Variants in ASTN2 observed in about 807,000 individuals in gnomAD.
ASTN2 encodes astrotactin-2.
In ASTN2, 54 loss-of-function variants were observed where a neutral mutation model predicts 139.8. The observed-to-expected ratio is 0.39, with a 90% CI of 0.31 to 0.48. The LOEUF (loss-of-function observed/expected upper bound fraction) is 0.48. ASTN2 is among the 20% of genes least tolerant of loss of function. ASTN2 has a pLI of 0.95. For missense variants in ASTN2, 1,565 were observed against 1,725.1 expected, an observed-to-expected ratio of 0.91 and a Z score of 1.64; for synonymous variants, 756 against 719.5, an observed-to-expected ratio of 1.05 and a Z score of -0.81.
At chr9:117,310,193 T>G (rs188128108) in intron 1 of ASTN2, among the ~76,000 whole-genome samples, 37 of 152,214 alleles carry the variant, frequency 2.4e-4, no homozygotes, top group Non-Finnish European at 4.4e-4. Context: ...TTTTTCTCAG[T>G]CAAACACCTT....
At chr9:117,093,827 A>G (rs565393501) in intron 5 of ASTN2, among the ~76,000 whole-genome samples, 14 of 152,260 alleles carry the variant, frequency 9.2e-5, no homozygotes, top group African/African-American at 2.6e-4. Context: ...GTATTAAGAA[A>G]GCTCTCCCTG....
intron 4 of ASTN2, among the ~76,000 whole-genome samples, chr9:117,135,191 G>T (rs1196228862): frequency 6.6e-6 from 1 of 152,170 alleles, no homozygotes; most frequent in East Asian, 1.9e-4. Context: ...CAAGTCATCT[G>T]GGAATTTAAA....
At chr9:117,329,233 T>G (rs1435743938) in intron 1 of ASTN2, among the ~76,000 whole-genome samples, 1 of 151,142 alleles carries the variant, frequency 6.6e-6, no homozygotes, top group Non-Finnish European at 1.5e-5. Context: ...TTATAAGCAT[T>G]TGCTACCCTT....
chr9:117,239,218 C>A (rs945338437), intron 2 of ASTN2, among the ~76,000 whole-genome samples: 3 of 152,170 alleles, frequency 2.0e-5, no homozygotes, highest in Admixed American at 6.5e-5. Context: ...TGAGTCCCTG[C>A]AACAAATGTA....
At chr9:116,791,012 AAAG>A (rs1830533324) in intron 13 of ASTN2, among the ~76,000 whole-genome samples, 1 of 127,524 alleles carries the variant, frequency 7.8e-6, no homozygotes, top group African/African-American at 2.9e-5. Context: ...AGAAAGAAAG[AAAG>A]AAAGAAAGAA....
At chr9:117,139,317 G>A (rs1317804237) in intron 4 of ASTN2, among the ~76,000 whole-genome samples, 1 of 152,132 alleles carries the variant, frequency 6.6e-6, no homozygotes, top group Admixed American at 6.5e-5. Context: ...CTGATGTAGG[G>A]CTTGGCATCC....
chr9:117,227,755 T>C (rs1025086608), intron 2 of ASTN2, among the ~76,000 whole-genome samples: 19 of 152,196 alleles, frequency 1.2e-4, no homozygotes, highest in African/African-American at 4.3e-4. Flanking sequence ...TCTCTACTGT[T>C]GGACCAAAGA....
intron 3 of ASTN2, among the ~76,000 whole-genome samples, chr9:117,182,199 T>C (rs1270434296): frequency 6.7e-6 from 1 of 148,458 alleles, no homozygotes; most frequent in East Asian, 2.0e-4. Context: ...CATATTTATG[T>C]AGGGAGAGAA....
At chr9:116,522,639 A>C (rs1000206991) in intron 19 of ASTN2, among the ~76,000 whole-genome samples, 12 of 152,120 alleles carry the variant, frequency 7.9e-5, no homozygotes, top group African/African-American at 2.9e-4. Context: ...ATCAAATACC[A>C]CCTGTTTCCC....
intron 19 of ASTN2, among the ~76,000 whole-genome samples, chr9:116,531,265 T>G (rs1398334367): frequency 6.6e-6 from 1 of 152,204 alleles, no homozygotes; most frequent in African/African-American, 2.4e-5. Context: ...CGTATTTATG[T>G]CTTAAATGTA....
chr9:117,059,229 T>C (rs1233861062), intron 5 of ASTN2, among the ~76,000 whole-genome samples: 1 of 152,100 alleles, frequency 6.6e-6, no homozygotes, highest in Non-Finnish European at 1.5e-5. Context: ...AGGGAGAGGA[T>C]AGGTGGTGTC....
chr9:116,951,368 G>A (rs866626407), intron 10 of ASTN2, among the ~76,000 whole-genome samples: 1,139 of 43,266 alleles, frequency 0.026, 7 homozygotes, highest in African/African-American at 0.054. Flanking sequence ...AAAAAAAAAA[G>A]ATCTGTGGTT....
At chr9:117,189,504 C>G (rs1243462172) in intron 3 of ASTN2, among the ~76,000 whole-genome samples, 1 of 152,168 alleles carries the variant, frequency 6.6e-6, no homozygotes, top group Non-Finnish European at 1.5e-5. Context: ...CTCTCCCCTC[C>G]CTGGGTCTCT....
At chr9:116,563,511 C>T (rs1853031923) in intron 19 of ASTN2, among the ~76,000 whole-genome samples, 2 of 152,182 alleles carry the variant, frequency 1.3e-5, no homozygotes, top group Non-Finnish European at 2.9e-5. Context: ...ATCAGACGCG[C>T]TTCCATCTCA....
intron 19 of ASTN2, among the ~76,000 whole-genome samples, chr9:116,593,633 T>C (rs1442733283): frequency 6.6e-6 from 1 of 152,216 alleles, no homozygotes; most frequent in African/African-American, 2.4e-5. Flanking sequence ...TAATCACAAC[T>C]TAGCCCCATA....
intron 4 of ASTN2, among the ~76,000 whole-genome samples, chr9:117,123,410 G>A (rs1829608555): frequency 6.6e-6 from 1 of 152,054 alleles, no homozygotes; most frequent in Non-Finnish European, 1.5e-5. Flanking sequence ...CCATCTATTT[G>A]ACATTAGACA....
chr9:117,332,467 G>C (rs949505587), intron 1 of ASTN2, among the ~76,000 whole-genome samples: 1 of 152,172 alleles, frequency 6.6e-6, no homozygotes, highest in African/African-American at 2.4e-5. Context: ...TACTCAGGAG[G>C]CTGTGTGAGA....
intron 2 of ASTN2, among the ~76,000 whole-genome samples, chr9:117,289,008 C>T (rs1370446700): frequency 6.6e-6 from 1 of 152,186 alleles, no homozygotes; most frequent in Non-Finnish European, 1.5e-5. Context: ...ACAAAGGGCT[C>T]ATACCCGAGT....
chr9:117,002,709 A>G (rs571846929), intron 7 of ASTN2, among the ~76,000 whole-genome samples: 24 of 152,330 alleles, frequency 1.6e-4, no homozygotes, highest in South Asian at 8.3e-4. Context: ...TTGTCTCTTA[A>G]TTACATGTCA....
Sources: allele counts gnomAD v4.1 joint callset (sites outside exome capture counted in the v4.1 genomes callset), GRCh38; gene constraint gnomAD v4.1.1; transcripts MANE v1.5; gene names NCBI Gene and HGNC (gene_info 2026-07-23, HGNC 2026-07-21).